MAN1A2: variants seen among roughly 807,000 people sequenced by gnomAD.
MAN1A2 encodes the protein mannosyl-oligosaccharide 1,2-alpha-mannosidase IB.
A neutral mutation model predicts 75.7 loss-of-function variants in MAN1A2; 26 were observed. The ratio of observed to expected loss-of-function variants is 0.34; its 90% CI spans 0.25 to 0.48. The LOEUF is 0.48. Among genes scored for constraint, MAN1A2 ranks in the 20% least tolerant of loss-of-function variants. The probability of loss-of-function intolerance (pLI) is 0.99; values close to 1 mark genes in which losing one functional copy is unlikely to be tolerated. For missense variants in MAN1A2, 562 were observed against 775.5 expected (o/e 0.72, Z 3.27); for synonymous variants, 247 against 264.6 (o/e 0.93, Z 0.65).
chr1:117,459,709 T>A (rs1649753268), intron 6 of MAN1A2, among the ~76,000 whole-genome samples: 1 of 152,152 alleles, frequency 6.6e-6, no homozygotes, highest in South Asian at 2.1e-4. Context: ...AGAGATTATA[T>A]CTGCACAAAT....
At chr1:117,517,283 A>G (rs915839222) in intron 12 of MAN1A2, among the ~76,000 whole-genome samples, 1 of 152,214 alleles carries the variant, frequency 6.6e-6, no homozygotes, top group African/African-American at 2.4e-5. Flanking sequence ...ATCTTAGTCA[A>G]AGATTACCAT....
intron 12 of MAN1A2, among the ~76,000 whole-genome samples, chr1:117,506,525 A>G (rs924889390): frequency 3.3e-5 from 5 of 151,608 alleles, no homozygotes; most frequent in Non-Finnish European, 5.9e-5. Context: ...AACAAAAACT[A>G]TGTAATGAGG....
At chr1:117,488,920 C>T (rs1040936523) in intron 8 of MAN1A2, among the ~76,000 whole-genome samples, 3 of 152,068 alleles carry the variant, frequency 2.0e-5, no homozygotes, top group Admixed American at 6.6e-5. Flanking sequence ...CTTAGAGCAT[C>T]GCTTAGCCCA....
At chr1:117,378,164 G>C (rs1653217639) in intron 1 of MAN1A2, among the ~76,000 whole-genome samples, 1 of 152,032 alleles carries the variant, frequency 6.6e-6, no homozygotes, top group Non-Finnish European at 1.5e-5. Flanking sequence ...AAGTCTTAGT[G>C]GATAATATTA....
intron 2 of MAN1A2, among the ~76,000 whole-genome samples, chr1:117,402,928 A>G (rs891139110): frequency 1.3e-5 from 2 of 152,122 alleles, no homozygotes; most frequent in African/African-American, 4.8e-5. Flanking sequence ...AAAAGTCTCC[A>G]TGGATTGAAA....
chr1:117,520,108 G>T (rs1226707519), intron 12 of MAN1A2, among the ~76,000 whole-genome samples: 2 of 152,016 alleles, frequency 1.3e-5, no homozygotes, highest in African/African-American at 4.8e-5. Context: ...AAAAGCATTT[G>T]GCAAAATCCA....
chr1:117,497,092 T>C, intron 10 of MAN1A2, 110 bp downstream of exon 10: 5 of 743,590 alleles, frequency 6.7e-6, no homozygotes, highest in Non-Finnish European at 1.1e-5. Flanking sequence ...CCAAATAGTT[T>C]ACACCAACAA....
intron 1 of MAN1A2, among the ~76,000 whole-genome samples, chr1:117,376,979 T>G (rs1414959491): frequency 6.6e-6 from 1 of 152,184 alleles, no homozygotes; most frequent in Non-Finnish European, 1.5e-5. Flanking sequence ...ATAAGAGACT[T>G]AAGCATTTGT....
At position 117,428,973 on chromosome 1, in the gene MAN1A2, G is replaced by T. The variant is rs950576539; in HGVS notation, c.855+8324G>T. On this transcript the variant is annotated intron_variant, in intron 5 of 12. Transcript: ENST00000356554. Reference sequence around the variant, plus strand: ...GGCCTTCCGCAGTGTTTGTGTCCCTGATTACTTGAGATTAGGGATTGGTGA... The same window carrying T: ...GGCCTTCCGCAGTGTTTGTGTCCCTTATTACTTGAGATTAGGGATTGGTGA... 9.5e-4 allele frequency among the ~76,000 whole-genome samples: 137 copies of T among 143,586 alleles called. 1 individual carries two copies. The highest frequency in any genetic ancestry group is 3.5e-3 in the African/African-American group (134 of 38,608). The allele number at this position is 143,586 out of a possible 152,430, so 94.2% of individuals were successfully genotyped here. A position where few individuals can be genotyped will look rare whatever the true frequency, so the allele number is the denominator to read the frequency against.
chr1:117,406,806 CAATT>C (rs1224884170), intron 3 of MAN1A2, among the ~76,000 whole-genome samples: 1 of 151,922 alleles, frequency 6.6e-6, no homozygotes, highest in Non-Finnish European at 1.5e-5. Flanking sequence ...ATTTAATAGT[CAATT>C]AAATTTAGAA....
chr1:117,436,341 G>A (rs145254846), intron 5 of MAN1A2, among the ~76,000 whole-genome samples: 13 of 152,202 alleles, frequency 8.5e-5, no homozygotes, highest in Admixed American at 8.5e-4. Flanking sequence ...CCCCTGAAGA[G>A]AGTGGGCTAG....
At position 117,487,163 on chromosome 1, in the gene MAN1A2, C is replaced by T. The variant is rs767422278; in HGVS notation, c.1169-5984C>T. 5.9e-5 allele frequency among the ~76,000 whole-genome samples: 9 copies of T among 151,980 alleles called. No homozygotes were observed. The South Asian group carries it at 1.0e-3, about 18-fold the overall frequency. On this transcript the variant is annotated intron_variant, in intron 8 of 12. Transcript: ENST00000356554. ...TGAGAGAGCATAGCAATGACATTTT[C>T]GGATGAAAGGGTTTGCATCCCACAC...
At chr1:117,432,565 G>A (rs918005115) in intron 5 of MAN1A2, among the ~76,000 whole-genome samples, 31 of 152,136 alleles carry the variant, frequency 2.0e-4, no homozygotes, top group African/African-American at 7.5e-4. Context: ...TATTGAAACT[G>A]AGTCAAGGTA....
At chr1:117,519,465 A>G (rs1250863736) in intron 12 of MAN1A2, among the ~76,000 whole-genome samples, 2 of 152,070 alleles carry the variant, frequency 1.3e-5, no homozygotes, top group Admixed American at 6.6e-5. Context: ...AGAAAATTCA[A>G]TTAACCTCAT....
chr1:117,505,569 A>G (rs1456888102), intron 12 of MAN1A2, among the ~76,000 whole-genome samples: 1 of 151,300 alleles, frequency 6.6e-6, no homozygotes, highest in Non-Finnish European at 1.5e-5. Flanking sequence ...GGTCAAACAA[A>G]AAGAAACATA....
At chr1:117,406,356 G>GT (rs1263738300) in intron 3 of MAN1A2, among the ~76,000 whole-genome samples, 2 of 152,104 alleles carry the variant, frequency 1.3e-5, no homozygotes, top group African/African-American at 2.4e-5. Context: ...TATCTTTTAA[G>GT]TAATGATAGA....
intron 7 of MAN1A2, 23 bp from the exon 8 acceptor site, chr1:117,466,311 A>G (rs768460413): frequency 1.4e-6 from 2 of 1,468,382 alleles, no homozygotes; most frequent in Non-Finnish European, 1.9e-6. Context: ...TATTAATTGC[A>G]TTCTTAATTT....
chr1:117,502,093 A>G (rs1350918250), intron 11 of MAN1A2, among the ~76,000 whole-genome samples: 2 of 151,892 alleles, frequency 1.3e-5, no homozygotes, highest in East Asian at 3.9e-4. Flanking sequence ...TTTAACTCTC[A>G]GTCAAGCAGT....
intron 6 of MAN1A2, among the ~76,000 whole-genome samples, chr1:117,451,125 C>T (rs1294644153): frequency 6.6e-6 from 1 of 152,226 alleles, no homozygotes; most frequent in African/African-American, 2.4e-5. Context: ...GCCATAGGGG[C>T]AGAGCTGCCC....
Sources: gnomAD v4.1 joint callset for allele counts (sites outside exome capture counted in the v4.1 genomes callset) on GRCh38, gnomAD v4.1.1 for gene constraint, MANE v1.5 for transcripts, NCBI Gene and HGNC (gene_info 2026-07-23, HGNC 2026-07-21) for gene names.